MYO7B: variants seen among roughly 807,000 people sequenced by gnomAD.
MYO7B encodes myosin VIIB, also known as unconventional myosin-VIIb.
MYO7B carries 212 observed loss-of-function variants against 259.7 expected under a neutral mutation model. The ratio of observed to expected loss-of-function variants is 0.82; its 90% CI spans 0.73 to 0.91. The LOEUF (loss-of-function observed/expected upper bound fraction) is 0.91. Ranked by LOEUF, MYO7B falls within the 40% of genes least tolerant of loss-of-function variation. The pLI, the probability that MYO7B is intolerant of heterozygous loss-of-function variation, is 0.00. For synonymous variants in MYO7B, 1,197 were observed against 1,166.4 expected (o/e 1.03, Z -0.54); for missense variants, 2,732 against 2,813.5 (o/e 0.97, Z 0.66).
intron 19 of MYO7B, among the ~76,000 whole-genome samples, chr2:127,596,831 C>T (rs959968637): frequency 6.6e-6 from 1 of 152,264 alleles, no homozygotes; most frequent in Non-Finnish European, 1.5e-5. Context: ...CAGGGTTTGA[C>T]GTTCCACTTC....
intron 20 of MYO7B, 35 bp downstream of exon 20, chr2:127,605,963 A>C: frequency 6.5e-6 from 10 of 1,538,680 alleles, no homozygotes; most frequent in Non-Finnish European, 8.1e-6. Context: ...GGGCCGCGGG[A>C]CCAGCGGGTA....
In MYO7B at chr2:127,627,355, G is replaced by A. The variant is rs766539540; in HGVS notation, c.4460+45G>A. 3 of 1,601,440 alleles carry A rather than the reference G, an allele frequency of 1.9e-6. No individual in the cohort carries two copies. The highest frequency in any genetic ancestry group is 2.2e-5 in the East Asian group (1 of 44,532). On this transcript the variant is annotated intron_variant, in intron 33 of 47. Transcript: ENST00000409816. The surrounding 1 kb of genome is among the most constrained non-coding windows in gnomAD (Gnocchi z 5.6). ...ATCTCTTCTTACACACTGAGTCCTT[G>A]TGATGCATCTGGGGGCTCGGGGAGA...
chr2:127,578,184 A>G lies in MYO7B; in HGVS notation c.901A>G (p.Ile301Val), dbSNP rs768654746. The G allele has an allele frequency of 5.6e-6, 9 of 1,613,802 alleles. No individual in the cohort carries two copies. Among genetic ancestry groups the G allele is most frequent in the Admixed American group, 3.3e-5 (2 of 59,998 alleles). The change falls in exon 9 of 48, where the codon ATC (isoleucine) becomes GTC (valine). Residue 301 changes from isoleucine to valine, a missense_variant. Ile to Val is a conservative substitution (Grantham distance 29, BLOSUM62 3). Transcript: ENST00000409816. ...GLNDAKDYAHIRSAMKILQFS... is the reference protein window; with the variant it reads ...GLNDAKDYAHVRSAMKILQFS... Reference sequence around the variant, plus strand: ...CAACGACGCCAAGGACTACGCCCACATCCGCTCGGCCATGAAGATCCTCCA... The same window carrying G: ...CAACGACGCCAAGGACTACGCCCACGTCCGCTCGGCCATGAAGATCCTCCA...
rs1348925766 is a variant in MYO7B at position 127,612,599 on chromosome 2, C to T, written c.3394C>T (p.Leu1132Phe). 2 of 1,610,290 alleles carry T rather than the reference C, an allele frequency of 1.2e-6. No individual in the cohort carries two copies. Among genetic ancestry groups the T allele is most frequent in the Admixed American group, 1.7e-5 (1 of 59,804 alleles). The change falls in exon 26 of 48, where the codon CTC (leucine) becomes TTC (phenylalanine). Residue 1132 changes from leucine to phenylalanine, a missense_variant. Physicochemically the swap from Leu to Phe is conservative, Grantham distance 22. Transcript: ENST00000409816. ...GGGCTACGCCATCCTGCGGCCCAGC[C>T]TCAGGTCAGTTCCCACTCCCATCCC... is the stretch of plus-strand genomic sequence containing the variant. ...IVGYAILRPSLRDEIYCQICK... is the reference protein window; with the variant it reads ...IVGYAILRPSFRDEIYCQICK...
In MYO7B at chr2:127,571,443, T is replaced by TTTTTTTTG. The variant is rs1491464439; in HGVS notation, c.592+1540_592+1541insGTTTTTTT. 9.6e-5 allele frequency among the ~76,000 whole-genome samples: 7 copies of TTTTTTTTG among 72,892 alleles called. 1 individual carries two copies. Among genetic ancestry groups the TTTTTTTTG allele is most frequent in the African/African-American group, 5.2e-4 (6 of 11,572 alleles). The allele number at this position is 72,892 out of a possible 152,430, so 47.8% of individuals were successfully genotyped here. On this transcript the variant is annotated intron_variant, in intron 6 of 47. Coordinates refer to ENST00000409816, the MANE Select transcript of MYO7B (RefSeq NM_001393586.1). ...ATTGGTCTATTTCCTTACCAGTGAGTTTTTTTTTTTTTTTTTGCTTGTTTG... is the reference window on the plus strand; with the variant it reads ...ATTGGTCTATTTCCTTACCAGTGAGTTTTTTTTGTTTTTTTTTTTTTTTTGCTTGTTTG...
At chr2:127,582,546 C>T in intron 12 of MYO7B, 100 bp downstream of exon 12, 3 of 1,415,980 alleles carry the variant, frequency 2.1e-6, no homozygotes, top group Non-Finnish European at 2.9e-6. Flanking sequence ...TCACCCTGCA[C>T]CCAGGCCTGG....
Position 127,586,122 on chromosome 2 carries a change from A to G in MYO7B, c.1690+1209A>G, listed in dbSNP as rs2104948979. 6.6e-6 allele frequency among the ~76,000 whole-genome samples: 1 copy of G among 152,346 alleles called. No homozygotes were observed. Among genetic ancestry groups the G allele is most frequent in the Non-Finnish European group, 1.5e-5 (1 of 68,034 alleles). On this transcript the variant is annotated intron_variant, in intron 14 of 47. Coordinates refer to ENST00000409816, the MANE Select transcript of MYO7B (RefSeq NM_001393586.1). The surrounding 1 kb of genome is among the most constrained non-coding windows in gnomAD (Gnocchi z 4.8). ...TTGCTTGTGTCATATCTAAGAGTCCAGGGTCAAATACAAAGTCATGAAGAT... is the reference window on the plus strand; with the variant it reads ...TTGCTTGTGTCATATCTAAGAGTCCGGGGTCAAATACAAAGTCATGAAGAT...
rs1378415053 is a variant in MYO7B, at chr2:127,590,125, G to C, written c.1888G>C (p.Gly630Arg). The C allele has an allele frequency of 6.2e-7, 1 of 1,603,284 alleles. No individual in the cohort carries two copies. The highest frequency in any genetic ancestry group is 8.5e-7 in the Non-Finnish European group (1 of 1,175,510). Residue 630 changes from glycine to arginine, a missense_variant, in exon 16 of 48, where the codon GGA (glycine) becomes CGA (arginine). Gly to Arg is a moderately radical substitution (Grantham distance 125). Coordinates refer to ENST00000409816, the MANE Select transcript of MYO7B (RefSeq NM_001393586.1). The surrounding 1 kb of genome is among the most constrained non-coding windows in gnomAD (Gnocchi z 4.6). ...CTCAAATAAACGGCCCTCCACCTTAGGAAGCCAGTTCAAACAGTCTCTGGA... is the reference window on the plus strand; with the variant it reads ...CTCAAATAAACGGCCCTCCACCTTACGAAGCCAGTTCAAACAGTCTCTGGA... Reference protein sequence around the residue: ...ADSNKRPSTLGSQFKQSLDQL... With the variant: ...ADSNKRPSTLRSQFKQSLDQL...
Position 127,628,393 on chromosome 2 carries a change from G to GCTGCTGCT in MYO7B, c.4485_4492dup (p.Ser1498CysfsTer31), listed in dbSNP as rs1387765963. ...CCAGGGAGGCCCAGGGCGGGCAGAG[G>GCTGCTGCT]CTGCTGCTCTCCACGATGCATGAGG... On this transcript the variant is annotated frameshift_variant, in exon 34 of 48. Coordinates refer to ENST00000409816, the MANE Select transcript of MYO7B (RefSeq NM_001393586.1). LOFTEE classifies it high-confidence loss of function. The surrounding 1 kb of genome is among the most constrained non-coding windows in gnomAD (Gnocchi z 4.8). 1 of 1,601,258 alleles carries GCTGCTGCT rather than the reference G, an allele frequency of 6.2e-7. No homozygotes were observed. Among genetic ancestry groups the GCTGCTGCT allele is most frequent in the Non-Finnish European group, 8.5e-7 (1 of 1,176,046 alleles).
At chr2:127,536,385 C>T (rs897145351) in intron 1 of MYO7B, among the ~76,000 whole-genome samples, 3 of 147,480 alleles carry the variant, frequency 2.0e-5, no homozygotes, top group African/African-American at 7.5e-5. Context: ...ATCCGCCTTA[C>T]CCATGTACCT....
intron 1 of MYO7B, among the ~76,000 whole-genome samples, chr2:127,556,777 T>A (rs1408251564): frequency 6.6e-6 from 1 of 152,256 alleles, no homozygotes; most frequent in African/African-American, 2.4e-5. Context: ...TGATAGGTTT[T>A]CCTTTATAGG....
chr2:127,601,930 T>C (rs1679976296), intron 19 of MYO7B, among the ~76,000 whole-genome samples: 2 of 152,228 alleles, frequency 1.3e-5, no homozygotes, highest in African/African-American at 4.8e-5. Context: ...ACTCAAAGCC[T>C]GTTTCCAAGA....
chr2:127,554,255 G>T (rs963688394), intron 1 of MYO7B, among the ~76,000 whole-genome samples: 1 of 151,988 alleles, frequency 6.6e-6, no homozygotes, highest in African/African-American at 2.4e-5. Flanking sequence ...TGTATTTTTA[G>T]TAGAGACAGG....
intron 12 of MYO7B, among the ~76,000 whole-genome samples, chr2:127,583,316 C>T (rs1200704632): frequency 1.3e-5 from 2 of 152,220 alleles, no homozygotes; most frequent in African/African-American, 4.8e-5. Context: ...AAGACACAAG[C>T]CATTCCACAC....
At chr2:127,617,504 T>G (rs1337573617) in intron 26 of MYO7B, among the ~76,000 whole-genome samples, 1 of 135,700 alleles carries the variant, frequency 7.4e-6, no homozygotes, top group Admixed American at 7.2e-5. Context: ...TTTTTTTTTT[T>G]TTTTTTTTTG....
In MYO7B at chr2:127,628,201, C is replaced by A; in HGVS notation, c.4461-171C>A. The A allele has an allele frequency of 2.5e-6, 2 of 811,116 alleles. No homozygotes were observed. The highest frequency in any genetic ancestry group is 4.1e-6 in the Non-Finnish European group (2 of 486,314). 50.2% of individuals were successfully genotyped at this position (811,116 alleles called of 1,614,324 possible). The stretch of plus-strand genomic sequence containing the variant: ...CCGAGAGGTCCTGTGCTCCGCCGTC[C>A]TTCATTTGTCCAGACCCACAGTGGT... On this transcript the variant is annotated intron_variant, in intron 33 of 47. Coordinates refer to ENST00000409816, the MANE Select transcript of MYO7B (RefSeq NM_001393586.1). This position sits in a 1 kb window ranked among gnomAD's most constrained non-coding sequence, Gnocchi z 4.8.
chr2:127,581,778 G>T, intron 10 of MYO7B, 113 bp from the exon 11 acceptor site: 1 of 1,451,828 alleles, frequency 6.9e-7, no homozygotes, highest in Non-Finnish European at 9.3e-7. Flanking sequence ...CCCACCCTCC[G>T]GTGGGCATAG....
chr2:127,564,125 A>G, intron 2 of MYO7B, 28 bp from the exon 3 acceptor site: 1 of 1,453,972 alleles, frequency 6.9e-7, no homozygotes, highest in Non-Finnish European at 9.4e-7. Flanking sequence ...AGCGGGGATC[A>G]CACCACTGTC....
At chr2:127,634,380 G>T in intron 41 of MYO7B, 91 bp downstream of exon 41, 1 of 1,077,796 alleles carries the variant, frequency 9.3e-7, no homozygotes, top group Non-Finnish European at 1.3e-6. Context: ...CCTACCAGGG[G>T]CACCCATGCT....
Sources: gnomAD v4.1 joint callset for allele counts (sites outside exome capture counted in the v4.1 genomes callset) on GRCh38, gnomAD v4.1.1 for gene constraint, Gnocchi (gnomAD v3.1) non-coding constraint, MANE v1.5 for transcripts, NCBI Gene and HGNC (gene_info 2026-07-23, HGNC 2026-07-21) for gene names.